The following ATL3 variants were observed in gnomAD, a reference collection of about 807,000 sequenced individuals.
ATL3 encodes the protein atlastin GTPase 3.
Under a neutral mutation model 69.5 loss-of-function variants are expected in ATL3, and 49 were observed. That is an observed-to-expected ratio of 0.71 (90% CI 0.56 to 0.89). ATL3 has a LOEUF of 0.89. Ranked by LOEUF, ATL3 falls within the 40% of genes least tolerant of loss-of-function variation. ATL3 has a pLI of 0.00. For missense variants in ATL3, 606 were observed against 645.7 expected (o/e 0.94, Z 0.67); for synonymous variants, 214 against 224.1 (o/e 0.95, Z 0.40).
At chr11:63,671,666 T>C (rs1940792804), upstream of ATL3, 1 of 1,374,592 alleles carries the variant, frequency 7.3e-7, no homozygotes, top group African/African-American at 1.5e-5. Context: ...GCTACCGTCC[T>C]TTGGGAATTG....
chr11:63,659,585 T>C (rs752185314), intron 1 of ATL3, among the ~76,000 whole-genome samples: 13 of 152,014 alleles, frequency 8.6e-5, no homozygotes, highest in Non-Finnish European at 1.9e-4. Context: ...ACCACACCAC[T>C]GTACTCCAAC....
At chr11:63,635,065 G>A (rs1221586158) in intron 10 of ATL3, among the ~76,000 whole-genome samples, 2 of 152,062 alleles carry the variant, frequency 1.3e-5, no homozygotes, top group Non-Finnish European at 2.9e-5. Context: ...GGGAGGCTGA[G>A]GTATAAGAAT....
chr11:63,632,343 G>A (rs1448101108), intron 11 of ATL3: 2 of 865,846 alleles, frequency 2.3e-6, no homozygotes, highest in African/African-American at 1.6e-5. Flanking sequence ...GACCATCAAT[G>A]GAGCCTACAA....
upstream of ATL3, chr11:63,671,465 T>C (rs893238824): frequency 1.4e-6 from 2 of 1,473,674 alleles, no homozygotes; most frequent in African/African-American, 1.5e-5. Flanking sequence ...AGCCAGAAGG[T>C]GGGGCACGCG....
rs1441417821 is a variant in ATL3, at chr11:63,629,101, A to C, written c.*218T>G. The C allele has an allele frequency of 7.3e-6, 4 of 548,278 alleles. No individual in the cohort carries two copies. The highest frequency in any genetic ancestry group is 1.9e-5 in the African/African-American group (1 of 53,228). The allele number at this position is 548,278 out of a possible 1,614,324, so 34.0% of individuals were successfully genotyped here. A position where few individuals can be genotyped will look rare whatever the true frequency, so the allele number is the denominator to read the frequency against. On this transcript the variant is annotated 3_prime_UTR_variant, in exon 13 of 13. Coordinates refer to ENST00000398868, the MANE Select transcript of ATL3 (RefSeq NM_015459.5). ...AAAATAGACACAGGCTTGCATCTAT[A>C]ACAGCAAGGAAAAGAAATGCTTCCA...
At chr11:63,667,596 T>C (rs549722316) in intron 1 of ATL3, among the ~76,000 whole-genome samples, 7 of 151,976 alleles carry the variant, frequency 4.6e-5, no homozygotes, top group Non-Finnish European at 8.8e-5. Context: ...ACCCTGACTC[T>C]ACTGAAAATT....
intron 10 of ATL3, among the ~76,000 whole-genome samples, chr11:63,633,611 C>T (rs1162557852): frequency 1.3e-5 from 2 of 151,434 alleles, no homozygotes; most frequent in African/African-American, 4.9e-5. Context: ...GTTGAACTCC[C>T]AGGCTCAAGT....
intron 1 of ATL3, among the ~76,000 whole-genome samples, chr11:63,669,735 T>C (rs1468293719): frequency 6.6e-6 from 1 of 151,750 alleles, no homozygotes; most frequent in Non-Finnish European, 1.5e-5. Context: ...TCACCTGAGG[T>C]CAGGAGTTCG....
intron 10 of ATL3, 108 bp downstream of exon 10, chr11:63,635,426 T>C: frequency 1.0e-6 from 1 of 975,410 alleles, no homozygotes; most frequent in Non-Finnish European, 1.6e-6. Context: ...CTCAGCATGA[T>C]GAAAAAGGAG....
chr11:63,654,404 C>T (rs7123961), intron 3 of ATL3, among the ~76,000 whole-genome samples: 2,706 of 151,970 alleles, frequency 0.018, 71 homozygotes, highest in African/African-American at 0.062. Flanking sequence ...CTCAGCCTCC[C>T]ACAGTGCTGG....
intron 9 of ATL3, 50 bp from the exon 10 acceptor site, chr11:63,635,640 T>G: frequency 7.3e-7 from 1 of 1,369,924 alleles, no homozygotes; most frequent in Non-Finnish European, 1.0e-6. Context: ...CAGTCATATC[T>G]TACTCATATT....
At chr11:63,633,134 C>T (rs756035047) in intron 10 of ATL3, 37 bp from the exon 11 acceptor site, 5 of 1,545,598 alleles carry the variant, frequency 3.2e-6, no homozygotes, top group Admixed American at 1.7e-5. Context: ...TAAATCCTTC[C>T]TCTTTTAACA....
At chr11:63,635,489 C>T (rs754751102) in intron 10 of ATL3, 45 bp downstream of exon 10, 3 of 1,518,230 alleles carry the variant, frequency 2.0e-6, no homozygotes, top group Admixed American at 1.7e-5. Context: ...CAGGTCAACT[C>T]AAGTAATTTA....
rs1293642940 is a variant in ATL3 at position 63,633,727 on chromosome 11, AAAAAAAG to A, written c.1036-637_1036-631del. On this transcript the variant is annotated intron_variant, in intron 10 of 12. Coordinates refer to ENST00000398868, the MANE Select transcript of ATL3 (RefSeq NM_015459.5). ...GAAATAGATGTGAGTCAAAAAAAAA[AAAAAAAG>A]AAGAAGGAAAGGTTGGGCGTGGTGG... 4.3e-3 allele frequency among the ~76,000 whole-genome samples: 555 copies of A among 128,026 alleles called. 4 individuals are homozygous for A. Among genetic ancestry groups the A allele is most frequent in the African/African-American group, 0.017 (537 of 31,798 alleles). 84.0% of individuals were successfully genotyped at this position (128,026 alleles called of 152,430 possible).
Position 63,652,592 on chromosome 11 carries a change from T to G in ATL3, c.406-17A>C, listed in dbSNP as rs772683424. On this transcript the variant is annotated splice_polypyrimidine_tract_variant and intron_variant, in intron 3 of 12. Coordinates refer to ENST00000398868, the MANE Select transcript of ATL3 (RefSeq NM_015459.5). ...AACTGCAACCTAAAAAAAAGGAAAATACAAACAAAAGAGATTAAACTAAGA... is the reference window on the plus strand; with the variant it reads ...AACTGCAACCTAAAAAAAAGGAAAAGACAAACAAAAGAGATTAAACTAAGA... 4.5e-6 allele frequency: 7 copies of G among 1,570,198 alleles called. No homozygotes were observed. The African/African-American group carries it at 9.5e-5, about 21-fold the overall frequency.
intron 5 of ATL3, among the ~76,000 whole-genome samples, chr11:63,648,540 G>A (rs1939964041): frequency 6.6e-6 from 1 of 152,208 alleles, no homozygotes; most frequent in Non-Finnish European, 1.5e-5. Flanking sequence ...CTCTTAGCAG[G>A]GCTGGCCGCT....
chr11:63,650,121 T>C (rs1940024486), intron 5 of ATL3, among the ~76,000 whole-genome samples: 1 of 152,198 alleles, frequency 6.6e-6, no homozygotes, highest in African/African-American at 2.4e-5. Flanking sequence ...AATGCCTTTA[T>C]GATTTTGTTT....
intron 1 of ATL3, among the ~76,000 whole-genome samples, chr11:63,659,989 C>G (rs1398620592): frequency 6.6e-6 from 1 of 151,616 alleles, no homozygotes; most frequent in Non-Finnish European, 1.5e-5. Context: ...TGTAACTAAC[C>G]TGCACATTGT....
chr11:63,645,776 C>CT lies in ATL3; in HGVS notation c.618+730dup, dbSNP rs1037008447. Among the ~76,000 whole-genome samples the CT allele has an allele frequency of 1.6e-4, 24 of 148,928 alleles. No homozygotes were observed. In the East Asian group the frequency reaches 2.2e-3, roughly 13 times the overall value. On this transcript the variant is annotated intron_variant, in intron 6 of 12. Transcript: ENST00000398868. Reference sequence around the variant, plus strand: ...TATTTTATTTTATTTTTGTTTTTTTCTTTTTTTTTGAGACAAAGTCTTGCT... The same window carrying CT: ...TATTTTATTTTATTTTTGTTTTTTTCTTTTTTTTTTGAGACAAAGTCTTGCT...
Sources: gnomAD v4.1 joint callset for allele counts (sites outside exome capture counted in the v4.1 genomes callset) on GRCh38, gnomAD v4.1.1 for gene constraint, MANE v1.5 for transcripts, NCBI Gene and HGNC (gene_info 2026-07-23, HGNC 2026-07-21) for gene names.